The following SLC38A12 variants were observed in gnomAD, a reference collection of about 807,000 sequenced individuals.
The protein encoded by SLC38A12 is putative sodium-coupled neutral amino acid transporter 12.
the SLC38A12 span, among the ~76,000 whole-genome samples, chr17:74,779,845 G>T: frequency 6.6e-6 from 1 of 152,304 alleles, no homozygotes; most frequent in African/African-American, 2.4e-5. Flanking sequence ...AAGGATGTTC[G>T]CTTTAGCTTG....
the SLC38A12 span, chr17:74,790,404 G>A: frequency 9.9e-7 from 1 of 1,009,196 alleles, no homozygotes; most frequent in South Asian, 1.3e-5. Context: ...GGCATTTCCT[G>A]CCCCTGGGTT....
At chr17:74,783,791 C>T in the SLC38A12 span, among the ~76,000 whole-genome samples, 516 of 130,980 alleles carry the variant, frequency 3.9e-3, 1 homozygote, top group African/African-American at 0.015. Flanking sequence ...AGTGCAGTGG[C>T]GCAATCTTGG....
At chr17:74,828,137 C>T in the SLC38A12 span, among the ~76,000 whole-genome samples, 16 of 152,344 alleles carry the variant, frequency 1.1e-4, no homozygotes, top group East Asian at 3.9e-4. Flanking sequence ...GCCACCGTGA[C>T]GGATGGCCTC....
chr17:74,791,663 C>T, the SLC38A12 span, among the ~76,000 whole-genome samples: 8 of 152,202 alleles, frequency 5.3e-5, no homozygotes, highest in African/African-American at 1.2e-4. Flanking sequence ...CGGCAGAGGG[C>T]GCTAGGAGCC....
chr17:74,828,921 C>A, the SLC38A12 span, among the ~76,000 whole-genome samples: 1 of 152,034 alleles, frequency 6.6e-6, no homozygotes, highest in Non-Finnish European at 1.5e-5. Context: ...ATCCACACAG[C>A]CCATAGACCC....
chr17:74,781,658 G>T, the SLC38A12 span, among the ~76,000 whole-genome samples: 8 of 152,230 alleles, frequency 5.3e-5, no homozygotes, highest in South Asian at 1.7e-3. Flanking sequence ...AAGAAATAAG[G>T]TTTTTTTCCC....
the SLC38A12 span, among the ~76,000 whole-genome samples, chr17:74,817,712 C>A: frequency 1.3e-5 from 2 of 152,182 alleles, no homozygotes; most frequent in Non-Finnish European, 2.9e-5. Context: ...CCCTGGAGGA[C>A]AGGACCCAGG....
the SLC38A12 span, among the ~76,000 whole-genome samples, chr17:74,835,433 A>G: frequency 2.0e-5 from 3 of 152,064 alleles, no homozygotes; most frequent in Non-Finnish European, 4.4e-5. Flanking sequence ...ACCTCCTCCC[A>G]AACACTCCAT....
the SLC38A12 span, chr17:74,839,200 T>C: frequency 1.4e-5 from 21 of 1,477,248 alleles, no homozygotes; most frequent in Non-Finnish European, 1.8e-5. Flanking sequence ...GGTGATAGAC[T>C]GGGAAGCACT....
the SLC38A12 span, chr17:74,795,612 G>C: frequency 6.2e-7 from 1 of 1,614,002 alleles, no homozygotes; most frequent in South Asian, 1.1e-5. Flanking sequence ...GCGCCGAGTG[G>C]ACGCCTACCG....
chr17:74,806,480 G>A, the SLC38A12 span, among the ~76,000 whole-genome samples: 1 of 152,134 alleles, frequency 6.6e-6, no homozygotes, highest in African/African-American at 2.4e-5. Context: ...TAAAACATGA[G>A]AGCCAGTAAG....
the SLC38A12 span, chr17:74,794,898 A>C: frequency 2.4e-6 from 2 of 850,346 alleles, no homozygotes; most frequent in Non-Finnish European, 3.8e-6. Flanking sequence ...TAAACAGCTC[A>C]GAGAACTGAA....
At chr17:74,829,106 G>A in the SLC38A12 span, among the ~76,000 whole-genome samples, 1 of 152,180 alleles carries the variant, frequency 6.6e-6, no homozygotes, top group East Asian at 1.9e-4. The surrounding 1 kb of genome is among the most constrained non-coding windows in gnomAD (Gnocchi z 4.1). Flanking sequence ...GATACTTTAC[G>A]TTCCTTTTCC....
the SLC38A12 span, among the ~76,000 whole-genome samples, chr17:74,786,077 T>C: frequency 0.51 from 77,118 of 152,192 alleles, 20,332 homozygotes; most frequent in Non-Finnish European, 0.59. Flanking sequence ...CACGCCTGGG[T>C]GCACGATCAA....
At chr17:74,790,263 G>A in the SLC38A12 span, 39 of 1,614,064 alleles carry the variant, frequency 2.4e-5, no homozygotes, top group Admixed American at 5.0e-5. Flanking sequence ...GGACAACTAC[G>A]AGCGGGCAGA....
the SLC38A12 span, among the ~76,000 whole-genome samples, chr17:74,795,807 A>G: frequency 2.6e-5 from 4 of 152,190 alleles, no homozygotes; most frequent in South Asian, 2.1e-4. Context: ...TCGTGTCACT[A>G]AGAGTCTAGC....
chr17:74,794,993 A>G, the SLC38A12 span: 9 of 1,605,240 alleles, frequency 5.6e-6, no homozygotes, highest in Middle Eastern at 1.7e-4. Context: ...TCCCTGACTG[A>G]TGGCTGTGTT....
the SLC38A12 span, among the ~76,000 whole-genome samples, chr17:74,828,431 T>G: frequency 6.6e-6 from 1 of 151,616 alleles, no homozygotes; most frequent in Non-Finnish European, 1.5e-5. Flanking sequence ...GGAGGAGGAG[T>G]GTGCCGCGTG....
the SLC38A12 span, chr17:74,837,230 TA>T: frequency 8.1e-6 from 8 of 985,596 alleles, no homozygotes; most frequent in Non-Finnish European, 9.6e-6. Flanking sequence ...TGGGAGGCGG[TA>T]GGTGCCACCT....
Sources: allele counts gnomAD v4.1 joint callset (sites outside exome capture counted in the v4.1 genomes callset), GRCh38; gene constraint gnomAD v4.1.1; non-coding constraint Gnocchi (gnomAD v3.1); transcripts MANE v1.5; gene names NCBI Gene and HGNC (gene_info 2026-07-23, HGNC 2026-07-21).